Variants in OXER1 observed in about 807,000 individuals in gnomAD.
OXER1 encodes the protein oxoeicosanoid receptor 1.
For missense variants in OXER1, 587 were observed against 551.7 expected, an observed-to-expected ratio of 1.06 and a Z score of -0.64; for synonymous variants, 258 against 245.8, an observed-to-expected ratio of 1.05 and a Z score of -0.47.
chr2:42,762,979 C>A (rs1385754517), exon 1 of OXER1: 1 of 1,613,952 alleles, frequency 6.2e-7, no homozygotes, highest in Non-Finnish European at 8.5e-7. Context: ...ATGGCCTCCG[C>A]CTTCCTAGAG....
In OXER1 at chr2:42,763,516, G is replaced by T. The variant is rs1226985056; in HGVS notation, c.664C>A (p.Leu222Ile). The T allele has an allele frequency of 1.3e-6, 2 of 1,555,222 alleles. No homozygotes were observed. The highest frequency in any genetic ancestry group is 2.7e-5 in the African/African-American group (2 of 73,358). The change falls in exon 1 of 1, where the codon CTC becomes ATC. Residue 222 changes from leucine to isoleucine, a missense_variant. Physicochemically the swap from Leu to Ile is conservative, Grantham distance 5 (BLOSUM62 2). Transcript: ENST00000378661. The surrounding 1 kb of genome is among the most constrained non-coding windows in gnomAD (Gnocchi z 4.4). ...CTCAGGAGCAGGTGCCCGTTGAGGAGCAGGATGCCCACCCAGAGTCCCCCG... is the reference window on the plus strand; with the variant it reads ...CTCAGGAGCAGGTGCCCGTTGAGGATCAGGATGCCCACCCAGAGTCCCCCG...
Position 42,763,841 on chromosome 2 carries a change from G to C in OXER1, c.339C>G (p.Ala113=), listed in dbSNP as rs147055792. ...GCGTGTGGATGCAGAAGATGAAGAG[G>C]GCCAAACTGTTCCCCACCAGGCCCA... The change falls in exon 1 of 1, where the codon GCC becomes GCG. Residue 113 remains alanine (A), a synonymous_variant. Coordinates refer to ENST00000378661, the Ensembl canonical transcript of OXER1. This position sits in a 1 kb window ranked among gnomAD's most constrained non-coding sequence, Gnocchi z 4.4. The C allele has an allele frequency of 5.6e-6, 9 of 1,613,918 alleles. No homozygotes were observed. The African/African-American group carries it at 1.2e-4, about 22-fold the overall frequency.
rs1410074537 is a variant in OXER1, at chr2:42,764,077, A to T, written c.103T>A (p.Trp35Arg). 1 of 1,614,024 alleles carries T rather than the reference A, an allele frequency of 6.2e-7. No homozygotes were observed. Among genetic ancestry groups the T allele is most frequent in the East Asian group, 2.2e-5 (1 of 44,874 alleles). The change falls in exon 1 of 1, where the codon TGG (tryptophan) becomes AGG (arginine). Residue 35 changes from tryptophan (W) to arginine (R), a missense_variant. Physicochemically the swap from Trp to Arg is moderately radical, Grantham distance 101 (BLOSUM62 -3). An upstream start codon of the reference 5' UTR is lost. Coordinates refer to ENST00000378661, the Ensembl canonical transcript of OXER1. Reference sequence around the variant, plus strand: ...TGAAGTTCCATGGGCTGCTTGGGCCATGGGCCTGAGAGAAGGTTCTGGAGT... The same window carrying T: ...TGAAGTTCCATGGGCTGCTTGGGCCTTGGGCCTGAGAGAAGGTTCTGGAGT...
At position 42,763,832 on chromosome 2, in the gene OXER1, G is replaced by C; in HGVS notation, c.348C>G (p.Ile116Met). The change falls in exon 1 of 1, where the codon ATC (isoleucine) becomes ATG (methionine). Residue 116 changes from isoleucine to methionine, a missense_variant. Physicochemically the swap from Ile to Met is conservative, Grantham distance 10 (BLOSUM62 1). Coordinates refer to ENST00000378661, the Ensembl canonical transcript of OXER1. This position sits in a 1 kb window ranked among gnomAD's most constrained non-coding sequence, Gnocchi z 4.4. The stretch of plus-strand genomic sequence containing the variant: ...TCCAGGGCCGCGTGTGGATGCAGAA[G>C]ATGAAGAGGGCCAAACTGTTCCCCA... 6.2e-7 allele frequency: 1 copy of C among 1,613,964 alleles called. No individual in the cohort carries two copies. The highest frequency in any genetic ancestry group is 8.5e-7 in the Non-Finnish European group (1 of 1,180,014).
At chr2:42,762,543 G>C (rs1298520936) in exon 1 of OXER1, 2 of 247,672 alleles carry the variant, frequency 8.1e-6, no homozygotes, top group Non-Finnish European at 1.5e-5. Context: ...GGACAAACTG[G>C]AGAGCACAGA....
Position 42,763,261 on chromosome 2 carries a change from A to G in OXER1, c.919T>C (p.Cys307Arg), listed in dbSNP as rs1449466708. ...CCAAAGATGATGCTGGGCAAGAAGCAGATGGTGTAGACGGCCACCACCATG... is the reference window on the plus strand; with the variant it reads ...CCAAAGATGATGCTGGGCAAGAAGCGGATGGTGTAGACGGCCACCACCATG... Residue 307 changes from cysteine to arginine, a missense_variant, in exon 1 of 1, where the codon TGC becomes CGC. Cys to Arg is a radical substitution (Grantham distance 180, BLOSUM62 -3). Transcript: ENST00000378661. This position sits in a 1 kb window ranked among gnomAD's most constrained non-coding sequence, Gnocchi z 4.4. 1.2e-6 allele frequency: 2 copies of G among 1,612,744 alleles called. No homozygotes were observed. Among genetic ancestry groups the G allele is most frequent in the Non-Finnish European group, 1.7e-6 (2 of 1,179,642 alleles).
rs768685734 is a variant in OXER1, at chr2:42,762,977, C to T, written c.1203G>A (p.Ala401=). 20 of 1,613,872 alleles carry T rather than the reference C, an allele frequency of 1.2e-5. No individual in the cohort carries two copies. The East Asian group carries it at 2.0e-4, about 16-fold the overall frequency. ...GCACTTTCAGCTTCCCTATGGCCTC[C>T]GCCTTCCTAGAGGCCTCCCGGTAGC... is the stretch of plus-strand genomic sequence containing the variant. Residue 401 remains alanine (A), a synonymous_variant, in exon 1 of 1, where the codon GCG becomes GCA. Coordinates refer to ENST00000378661, the Ensembl canonical transcript of OXER1.
At chr2:42,762,753 G>A in exon 1 of OXER1, 1 of 837,466 alleles carries the variant, frequency 1.2e-6, no homozygotes, top group Admixed American at 2.8e-5. Flanking sequence ...TTCTCTCCCT[G>A]CCACCCACCT....
chr2:42,762,939 G>A, exon 1 of OXER1: 9 of 1,613,340 alleles, frequency 5.6e-6, no homozygotes, highest in Non-Finnish European at 7.6e-6. Context: ...CTTTTCCAGA[G>A]AGACCTCGCC....
the OXER1 span, chr2:42,763,061 CG>C: frequency 6.2e-7 from 1 of 1,614,102 alleles, no homozygotes; most frequent in African/African-American, 1.3e-5. The surrounding 1 kb of genome is among the most constrained non-coding windows in gnomAD (Gnocchi z 4.4). Flanking sequence ...GCCGGCCCCG[CG>C]TGAGGCCCAG....
Position 42,763,930 on chromosome 2 carries a change from G to T in OXER1, c.250C>A (p.His84Asn). ...GACACCAGCGAGGAAGAGGTGGGGTGGCAGGGCCCTCCAGAGGACCCCCCC... is the reference window on the plus strand; with the variant it reads ...GACACCAGCGAGGAAGAGGTGGGGTTGCAGGGCCCTCCAGAGGACCCCCCC... Residue 84 changes from histidine to asparagine, a missense_variant, in exon 1 of 1, where the codon CAC becomes AAC. Physicochemically the swap from His to Asn is moderately conservative, Grantham distance 68. Coordinates refer to ENST00000378661, the Ensembl canonical transcript of OXER1. This position sits in a 1 kb window ranked among gnomAD's most constrained non-coding sequence, Gnocchi z 4.4. 6.2e-7 allele frequency: 1 copy of T among 1,613,844 alleles called. No individual in the cohort carries two copies. The highest frequency in any genetic ancestry group is 8.5e-7 in the Non-Finnish European group (1 of 1,179,984).
Position 42,763,118 on chromosome 2 carries a change from G to C in OXER1, c.1062C>G (p.Leu354=). The change falls in exon 1 of 1, where the codon CTC becomes CTG. Residue 354 remains leucine (L), a synonymous_variant. Transcript: ENST00000378661. This position sits in a 1 kb window ranked among gnomAD's most constrained non-coding sequence, Gnocchi z 4.4. ...GGAAGTTGGGGCTAGAGAAGCAGTA[G>C]AGCACGGGGTCCAGGACACTGTTGA... is the stretch of plus-strand genomic sequence containing the variant. The C allele has an allele frequency of 6.2e-7, 1 of 1,614,218 alleles. No homozygotes were observed. Among genetic ancestry groups the C allele is most frequent in the Non-Finnish European group, 8.5e-7 (1 of 1,180,038 alleles).
exon 1 of OXER1, chr2:42,762,752 T>A: frequency 1.2e-6 from 1 of 827,860 alleles, no homozygotes; most frequent in Non-Finnish European, 1.9e-6. Flanking sequence ...TTTCTCTCCC[T>A]GCCACCCACC....
At position 42,764,079 on chromosome 2, in the gene OXER1, G is replaced by A. The variant is rs373300855; in HGVS notation, c.101C>T (p.Pro34Leu). ...AAGTTCCATGGGCTGCTTGGGCCAT[G>A]GGCCTGAGAGAAGGTTCTGGAGTCT... Residue 34 changes from proline (P) to leucine (L), a missense_variant, in exon 1 of 1, where the codon CCA (proline) becomes CTA (leucine). Pro to Leu is a moderately conservative substitution (Grantham distance 98). Coordinates refer to ENST00000378661, the Ensembl canonical transcript of OXER1. The A allele has an allele frequency of 1.8e-5, 29 of 1,613,972 alleles. No homozygotes were observed. The African/African-American group carries it at 3.5e-4, about 19-fold the overall frequency.
chr2:42,763,798 T>C lies in OXER1; in HGVS notation c.382A>G (p.Thr128Ala), dbSNP rs777785685. The C allele has an allele frequency of 4.3e-6, 7 of 1,613,744 alleles. No homozygotes were observed. The highest frequency in any genetic ancestry group is 3.3e-5 in the South Asian group (3 of 91,068). The change falls in exon 1 of 1, where the codon ACG becomes GCG. Residue 128 changes from threonine to alanine, a missense_variant. Transcript: ENST00000378661. This position sits in a 1 kb window ranked among gnomAD's most constrained non-coding sequence, Gnocchi z 4.4. ...GCCACCAGGCTGACCAGGAACACCG[T>C]GTTGGAGGTCCAGGGCCGCGTGTGG...
chr2:42,763,643 G>C lies in OXER1; in HGVS notation c.537C>G (p.Ser179Arg). The C allele has an allele frequency of 6.2e-7, 1 of 1,613,734 alleles. No homozygotes were observed. Among genetic ancestry groups the C allele is most frequent in the African/African-American group, 1.3e-5 (1 of 75,040 alleles). The change falls in exon 1 of 1, where the codon AGC (serine) becomes AGG (arginine). Residue 179 changes from serine to arginine, a missense_variant. By Grantham distance (110) the Ser-to-Arg change is moderately radical (BLOSUM62 -1). Transcript: ENST00000378661. The surrounding 1 kb of genome is among the most constrained non-coding windows in gnomAD (Gnocchi z 4.4). Reference sequence around the variant, plus strand: ...GTGCGATGGCTGTGAGGAAGACAACGCTGGCCGTGCGGTTGGTGGACAGCA... The same window carrying C: ...GTGCGATGGCTGTGAGGAAGACAACCCTGGCCGTGCGGTTGGTGGACAGCA...
exon 1 of OXER1, chr2:42,764,026 G>A (rs745501425): frequency 1.6e-5 from 26 of 1,613,842 alleles, no homozygotes; most frequent in Admixed American, 1.7e-5. Flanking sequence ...GAGGAGGAGA[G>A]AGAGGGAGAT....
In OXER1 at chr2:42,763,249, T is replaced by C; in HGVS notation, c.931A>G (p.Ser311Gly). The change falls in exon 1 of 1, where the codon AGC (serine) becomes GGC (glycine). Residue 311 changes from serine (S) to glycine (G), a missense_variant. Coordinates refer to ENST00000378661, the Ensembl canonical transcript of OXER1. This position sits in a 1 kb window ranked among gnomAD's most constrained non-coding sequence, Gnocchi z 4.4. ...ATGGAAGCCATGCCAAAGATGATGC[T>C]GGGCAAGAAGCAGATGGTGTAGACG... The C allele has an allele frequency of 6.2e-7, 1 of 1,612,428 alleles. No individual in the cohort carries two copies. The highest frequency in any genetic ancestry group is 1.1e-5 in the South Asian group (1 of 90,836).
chr2:42,763,241 G>A lies in OXER1; in HGVS notation c.939C>T (p.Ile313=), dbSNP rs534876481. The change falls in exon 1 of 1, where the codon ATC becomes ATT. Residue 313 remains isoleucine, a synonymous_variant. Transcript: ENST00000378661. This position sits in a 1 kb window ranked among gnomAD's most constrained non-coding sequence, Gnocchi z 4.4. The stretch of plus-strand genomic sequence containing the variant: ...AAGCCACCATGGAAGCCATGCCAAA[G>A]ATGATGCTGGGCAAGAAGCAGATGG... 5 of 1,612,070 alleles carry A rather than the reference G, an allele frequency of 3.1e-6. No individual in the cohort carries two copies. The South Asian group carries it at 5.5e-5, about 18-fold the overall frequency.
Sources: gnomAD v4.1 joint callset for allele counts on GRCh38, gnomAD v4.1.1 for gene constraint, Gnocchi (gnomAD v3.1) non-coding constraint, MANE v1.5 for transcripts, NCBI Gene and HGNC (gene_info 2026-07-23, HGNC 2026-07-21) for gene names.